OPHN1: variants seen among roughly 807,000 people sequenced by gnomAD.
OPHN1 encodes the protein oligophrenin-1.
In OPHN1, 11 loss-of-function variants were observed where a neutral mutation model predicts 60.7. The ratio of observed to expected loss-of-function variants is 0.18; its 90% CI spans 0.11 to 0.30. The LOEUF is 0.30. Ranked by LOEUF, OPHN1 falls within the 10% of genes least tolerant of loss-of-function variation. OPHN1 has a pLI of 1.00. For missense variants in OPHN1, 449 were observed against 611.0 expected, an observed-to-expected ratio of 0.73 and a Z score of 2.80; for synonymous variants, 226 against 222.6, an observed-to-expected ratio of 1.02 and a Z score of -0.14.
chrX:68,308,846 C>T (rs2078159258), intron 2 of OPHN1, among the ~76,000 whole-genome samples: 1 of 109,668 alleles, frequency 9.1e-6, no homozygotes, highest in Admixed American at 9.8e-5. Flanking sequence ...GTGGCATGAT[C>T]TCAGCTCACT....
chrX:68,266,708 C>T (rs1488965203), intron 5 of OPHN1, among the ~76,000 whole-genome samples: 1 of 111,440 alleles, frequency 9.0e-6, no homozygotes, highest in East Asian at 2.8e-4. Flanking sequence ...GGGCTAAATG[C>T]TGCAATTAAA....
intron 20 of OPHN1, among the ~76,000 whole-genome samples, chrX:68,068,993 C>T (rs1464049826): frequency 8.9e-6 from 1 of 111,965 alleles, no homozygotes; most frequent in Non-Finnish European, 1.9e-5. Flanking sequence ...AAGATAGTTG[C>T]ACAAAATTTA....
chrX:68,300,491 A>G (rs937301445), intron 2 of OPHN1, among the ~76,000 whole-genome samples: 2 of 112,514 alleles, frequency 1.8e-5, no homozygotes, highest in East Asian at 5.6e-4. Context: ...ATTTTTACAC[A>G]GACCAGGTTA....
intron 2 of OPHN1, among the ~76,000 whole-genome samples, chrX:68,401,816 G>A (rs755367183): frequency 2.7e-5 from 3 of 111,760 alleles, no homozygotes; most frequent in Non-Finnish European, 5.6e-5. Context: ...AAAAGAGACC[G>A]AGGAGAACCA....
chrX:68,329,669 G>A (rs2078285177), intron 2 of OPHN1, among the ~76,000 whole-genome samples: 1 of 111,937 alleles, frequency 8.9e-6, no homozygotes, highest in Non-Finnish European at 1.9e-5. Context: ...TTAAGGACCT[G>A]GGGATCCATC....
chrX:68,204,189 CCTT>C (rs779910072), intron 10 of OPHN1, among the ~76,000 whole-genome samples: 2 of 112,589 alleles, frequency 1.8e-5, no homozygotes, highest in Admixed American at 1.9e-4. Flanking sequence ...ATGCAGTACT[CCTT>C]CTTCTGACCA....
chrX:68,164,249 C>T (rs191974531), intron 15 of OPHN1, among the ~76,000 whole-genome samples: 1 of 111,861 alleles, frequency 8.9e-6, no homozygotes, highest in Non-Finnish European at 1.9e-5. Context: ...AATGGTGAAC[C>T]CTTTCCAGGT....
At chrX:68,165,974 T>C (rs1046249553) in intron 15 of OPHN1, among the ~76,000 whole-genome samples, 1 of 112,347 alleles carries the variant, frequency 8.9e-6, no homozygotes, top group African/African-American at 3.2e-5. Flanking sequence ...CTCGAGGAAT[T>C]GTGTTTTATA....
At chrX:68,276,641 C>T (rs985121853) in intron 4 of OPHN1, among the ~76,000 whole-genome samples, 1 of 111,640 alleles carries the variant, frequency 9.0e-6, no homozygotes, top group African/African-American at 3.3e-5. Flanking sequence ...CAAACTCTGA[C>T]ATACCTTCCA....
At chrX:68,192,769 G>C in intron 15 of OPHN1, 150 bp downstream of exon 15, 2 of 489,440 alleles carry the variant, frequency 4.1e-6, no homozygotes, top group South Asian at 6.1e-5. Context: ...ACTCTGCCCA[G>C]GGTGGGCAAG....
chrX:68,413,568 C>T (rs1241935574), intron 2 of OPHN1, among the ~76,000 whole-genome samples: 1 of 110,529 alleles, frequency 9.0e-6, no homozygotes, highest in Non-Finnish European at 1.9e-5. Context: ...ACAAAACATG[C>T]AAAAAAGGGG....
chrX:68,052,411 AAG>A, intron 23 of OPHN1, 127 bp downstream of exon 23: 1 of 618,720 alleles, frequency 1.6e-6, no homozygotes, highest in Non-Finnish European at 2.7e-6. Flanking sequence ...GGGGAAGAGA[AAG>A]TGACAGACAG....
At chrX:68,398,967 G>C (rs1274008267) in intron 2 of OPHN1, among the ~76,000 whole-genome samples, 1 of 96,228 alleles carries the variant, frequency 1.0e-5, no homozygotes, top group African/African-American at 3.8e-5. Flanking sequence ...AAAAGTGTGT[G>C]TGTGTGTGTG....
intron 2 of OPHN1, among the ~76,000 whole-genome samples, chrX:68,349,369 C>T (rs1306385247): frequency 1.8e-5 from 2 of 111,865 alleles, no homozygotes; most frequent in Admixed American, 1.9e-4. Flanking sequence ...TACCATCTCA[C>T]ACCAGTTAGA....
chrX:68,060,260 G>T (rs1197400341), intron 21 of OPHN1, among the ~76,000 whole-genome samples: 1 of 111,089 alleles, frequency 9.0e-6, no homozygotes, highest in East Asian at 2.8e-4. Context: ...GGAGAAGATG[G>T]CCAACGCTGC....
intron 19 of OPHN1, among the ~76,000 whole-genome samples, chrX:68,095,973 T>C (rs980674674): frequency 1.8e-5 from 2 of 112,007 alleles, no homozygotes; most frequent in Non-Finnish European, 3.8e-5. Context: ...TATATACTTT[T>C]GGAATGAGAT....
chrX:68,418,860 A>G (rs766801621), intron 2 of OPHN1, among the ~76,000 whole-genome samples: 6 of 111,829 alleles, frequency 5.4e-5, no homozygotes, highest in Admixed American at 1.9e-4. Flanking sequence ...AATACTAAGA[A>G]GGAAATTATA....
intron 5 of OPHN1, among the ~76,000 whole-genome samples, chrX:68,272,728 C>A (rs2077975417): frequency 8.9e-6 from 1 of 111,778 alleles, no homozygotes; most frequent in East Asian, 2.8e-4. Context: ...TGTAATGATG[C>A]ATTTCTCAGA....
intron 5 of OPHN1, among the ~76,000 whole-genome samples, chrX:68,268,284 CA>C: frequency 9.0e-6 from 1 of 111,018 alleles, no homozygotes; most frequent in African/African-American, 3.3e-5. Context: ...AGAGACACAA[CA>C]AAAAAAGAGA....
Sources: allele counts gnomAD v4.1 joint callset (sites outside exome capture counted in the v4.1 genomes callset), GRCh38; gene constraint gnomAD v4.1.1; transcripts MANE v1.5; gene names NCBI Gene and HGNC (gene_info 2026-07-23, HGNC 2026-07-21).